RALGAPA2: variants seen among roughly 807,000 people sequenced by gnomAD.
RALGAPA2 encodes the protein Ral GTPase activating protein catalytic subunit alpha 2.
Under a neutral mutation model 230.4 loss-of-function variants are expected in RALGAPA2, and 139 were observed. The observed-to-expected ratio is 0.60, with a 90% CI of 0.53 to 0.69. RALGAPA2 has a LOEUF of 0.69. Ranked by LOEUF, RALGAPA2 falls within the 30% of genes least tolerant of loss-of-function variation. RALGAPA2 has a pLI of 0.00. For missense variants in RALGAPA2, 2,163 were observed against 2,276.0 expected, an observed-to-expected ratio of 0.95 and a Z score of 1.01; for synonymous variants, 847 against 837.8, an observed-to-expected ratio of 1.01 and a Z score of -0.19.
At chr20:20,491,107 T>C (rs1277772154) in intron 36 of RALGAPA2, among the ~76,000 whole-genome samples, 1 of 151,994 alleles carries the variant, frequency 6.6e-6, no homozygotes, top group African/African-American at 2.4e-5. Context: ...GAAGCTAAGA[T>C]TCAAAGAAAC....
At chr20:20,436,776 C>T (rs1189479177) in intron 37 of RALGAPA2, among the ~76,000 whole-genome samples, 2 of 152,220 alleles carry the variant, frequency 1.3e-5, no homozygotes, top group Non-Finnish European at 2.9e-5. Flanking sequence ...AGAGGCAATG[C>T]GTCAAGCCCC....
intron 9 of RALGAPA2, 112 bp downstream of exon 9, chr20:20,635,306 A>G (rs2066820095): frequency 2.5e-6 from 3 of 1,188,800 alleles, no homozygotes; most frequent in South Asian, 1.4e-5. Flanking sequence ...TCACTTACCT[A>G]TAACCAACAA....
intron 3 of RALGAPA2, among the ~76,000 whole-genome samples, chr20:20,664,642 A>C (rs2067897066): frequency 2.6e-5 from 4 of 152,044 alleles, no homozygotes; most frequent in Non-Finnish European, 5.9e-5. Flanking sequence ...CATTTTTCCG[A>C]TCTCTTCAGT....
At chr20:20,684,148 A>G (rs1216525729) in intron 1 of RALGAPA2, among the ~76,000 whole-genome samples, 2 of 152,250 alleles carry the variant, frequency 1.3e-5, no homozygotes, top group African/African-American at 4.8e-5. Context: ...TGGGTCACAC[A>G]TGACTTCCTC....
Position 20,412,101 on chromosome 20 carries a change from C to A in RALGAPA2, c.5543G>T (p.Arg1848Leu). 4 of 1,613,930 alleles carry A rather than the reference C, an allele frequency of 2.5e-6. No individual in the cohort carries two copies. Among genetic ancestry groups the A allele is most frequent in the Non-Finnish European group, 3.4e-6 (4 of 1,179,856 alleles). ...LYLEAIIQNH[R>L]EVMTFEDFAA... is the part of the protein sequence containing the mutation. ...GAAATCCTCGAATGTCATTACTTCG[C>A]GGTGGTTCTGAATTATTGCTTCGAG... is the stretch of plus-strand genomic sequence containing the variant. The change falls in exon 38 of 40, where the codon CGC becomes CTC. Residue 1848 changes from arginine (R) to leucine (L), a missense_variant. Transcript: ENST00000202677.
At chr20:20,444,452 A>G (rs2060814180) in intron 37 of RALGAPA2, among the ~76,000 whole-genome samples, 1 of 152,140 alleles carries the variant, frequency 6.6e-6, no homozygotes, top group African/African-American at 2.4e-5. Flanking sequence ...TGACAAATAC[A>G]CACACGCACA....
At chr20:20,449,548 C>T (rs994753344) in intron 37 of RALGAPA2, among the ~76,000 whole-genome samples, 4 of 152,210 alleles carry the variant, frequency 2.6e-5, no homozygotes, top group Admixed American at 1.3e-4. Flanking sequence ...GCAAAAGCAG[C>T]TAGCCAGCTA....
chr20:20,538,644 A>T (rs987474832), intron 24 of RALGAPA2, among the ~76,000 whole-genome samples: 1 of 152,188 alleles, frequency 6.6e-6, no homozygotes, highest in Non-Finnish European at 1.5e-5. Context: ...CTTTCCCCCA[A>T]AGTATCTGGG....
intron 37 of RALGAPA2, among the ~76,000 whole-genome samples, chr20:20,448,514 TAATA>T (rs2060915723): frequency 6.6e-6 from 1 of 152,212 alleles, no homozygotes; most frequent in Admixed American, 6.5e-5. Context: ...TAGAACACAC[TAATA>T]ATTAAACAGA....
Position 20,479,439 on chromosome 20 carries a change from C to T in RALGAPA2, c.5368-6483G>A, listed in dbSNP as rs529430298. Among the ~76,000 whole-genome samples, 203 of 152,246 alleles carry T rather than the reference C, an allele frequency of 1.3e-3. 1 individual carries two copies. The highest frequency in any genetic ancestry group is 4.7e-3 in the African/African-American group (194 of 41,544). Reference sequence around the variant, plus strand: ...CCATAATGTGCAAAAATAACAATATCATGACCAAGTCGGGTATATCCCAAG... The same window carrying T: ...CCATAATGTGCAAAAATAACAATATTATGACCAAGTCGGGTATATCCCAAG... On this transcript the variant is annotated intron_variant, in intron 36 of 39. Coordinates refer to ENST00000202677, the MANE Select transcript of RALGAPA2 (RefSeq NM_020343.4).
chr20:20,505,224 A>G (rs2062497230), intron 34 of RALGAPA2, 187 bp downstream of exon 34: 1 of 958,038 alleles, frequency 1.0e-6, no homozygotes, highest in Non-Finnish European at 1.2e-6. Context: ...AAGGAAAACA[A>G]AAGTTCATGT....
intron 23 of RALGAPA2, among the ~76,000 whole-genome samples, chr20:20,547,444 G>A (rs1457618546): frequency 6.6e-6 from 1 of 152,208 alleles, no homozygotes; most frequent in Admixed American, 6.5e-5. Context: ...GCAGTGTGAA[G>A]AGCATCATCT....
chr20:20,545,444 A>C (rs949157336), intron 24 of RALGAPA2, among the ~76,000 whole-genome samples: 1 of 152,254 alleles, frequency 6.6e-6, no homozygotes, highest in South Asian at 2.1e-4. Flanking sequence ...TATCTTTATA[A>C]GAAAAAGTTA....
intron 33 of RALGAPA2, 44 bp from the exon 34 acceptor site, chr20:20,505,578 A>C: frequency 6.8e-7 from 1 of 1,464,330 alleles, no homozygotes; most frequent in Admixed American, 2.5e-5. Context: ...CTTATATGTA[A>C]AATTTTACTT....
At chr20:20,524,114 G>A (rs2063125776) in intron 30 of RALGAPA2, among the ~76,000 whole-genome samples, 3 of 152,012 alleles carry the variant, frequency 2.0e-5, no homozygotes, top group South Asian at 2.1e-4. Context: ...CCGCCACCAC[G>A]CCCGGCTAAT....
chr20:20,496,482 G>A (rs995724110), intron 35 of RALGAPA2, among the ~76,000 whole-genome samples: 3 of 152,138 alleles, frequency 2.0e-5, no homozygotes, highest in African/African-American at 7.2e-5. Flanking sequence ...GACATCTTCT[G>A]GGAATTTGAG....
intron 3 of RALGAPA2, among the ~76,000 whole-genome samples, chr20:20,661,567 A>G (rs2067778722): frequency 6.6e-6 from 1 of 152,230 alleles, no homozygotes; most frequent in Non-Finnish European, 1.5e-5. Context: ...CCAAATTACA[A>G]AGCATATTCC....
At chr20:20,554,461 A>G (rs764868696) in intron 23 of RALGAPA2, among the ~76,000 whole-genome samples, 41 of 152,064 alleles carry the variant, frequency 2.7e-4, no homozygotes, top group Non-Finnish European at 4.3e-4. Flanking sequence ...ACTGGTTTTG[A>G]TATGAATTTC....
At chr20:20,593,078 CA>C (rs575339925) in intron 16 of RALGAPA2, among the ~76,000 whole-genome samples, 71 of 152,118 alleles carry the variant, frequency 4.7e-4, no homozygotes, top group Non-Finnish European at 8.1e-4. Context: ...CCACTATACC[CA>C]AAAAATTTTT....
Sources: gnomAD v4.1 joint callset for allele counts (sites outside exome capture counted in the v4.1 genomes callset) on GRCh38, gnomAD v4.1.1 for gene constraint, MANE v1.5 for transcripts, NCBI Gene and HGNC (gene_info 2026-07-23, HGNC 2026-07-21) for gene names.